Variants in LGALS12 observed in about 807,000 individuals in gnomAD.
LGALS12 encodes the protein galectin 12.
Under a neutral mutation model 36.8 loss-of-function variants are expected in LGALS12, and 36 were observed. The observed-to-expected ratio is 0.98, with a 90% CI of 0.75 to 1.29. LGALS12 has a LOEUF of 1.29. Among genes scored for constraint, LGALS12 ranks in the 50% most tolerant of loss-of-function variants. LGALS12 has a pLI of 0.00. For missense variants in LGALS12, 366 were observed against 394.3 expected, an observed-to-expected ratio of 0.93 and a Z score of 0.61; for synonymous variants, 145 against 155.9, an observed-to-expected ratio of 0.93 and a Z score of 0.52.
At chr11:63,512,938 A>G (rs2016972162) in intron 7 of LGALS12, among the ~76,000 whole-genome samples, 1 of 151,894 alleles carries the variant, frequency 6.6e-6, no homozygotes, top group African/African-American at 2.4e-5. Context: ...GAGTAAGGAA[A>G]GCACCCTATG....
At chr11:63,513,225 T>G (rs772939410) in intron 7 of LGALS12, among the ~76,000 whole-genome samples, 1 of 152,152 alleles carries the variant, frequency 6.6e-6, no homozygotes, top group Non-Finnish European at 1.5e-5. Flanking sequence ...AAATGAAAAG[T>G]GCTCAGTGAT....
chr11:63,508,531 A>C, intron 1 of LGALS12, 22 bp from the exon 2 acceptor site: 1 of 1,613,932 alleles, frequency 6.2e-7, no homozygotes. Flanking sequence ...ACCTGCATGG[A>C]TGAGTTTCTT....
chr11:63,511,195 G>A, intron 6 of LGALS12, 90 bp downstream of exon 6: 1 of 1,243,962 alleles, frequency 8.0e-7, no homozygotes. Context: ...CATGCCCCCA[G>A]CCTCAGGATT....
intron 4 of LGALS12, among the ~76,000 whole-genome samples, chr11:63,510,133 T>A (rs1046869522): frequency 6.6e-6 from 1 of 152,008 alleles, no homozygotes; most frequent in Non-Finnish European, 1.5e-5. Flanking sequence ...CTGTAACCAG[T>A]GTGGGTCTGG....
intron 3 of LGALS12, 121 bp from the exon 4 acceptor site, chr11:63,509,657 G>T: frequency 1.0e-6 from 1 of 970,422 alleles, no homozygotes; most frequent in Non-Finnish European, 1.6e-6. Flanking sequence ...CTACCTCATA[G>T]AGATGACGTG....
At chr11:63,507,725 C>CTTTTTT (rs199594642) in intron 1 of LGALS12, among the ~76,000 whole-genome samples, 5 of 69,946 alleles carry the variant, frequency 7.1e-5, no homozygotes, top group South Asian at 6.3e-4. Flanking sequence ...CAGGCAACTT[C>CTTTTTT]TTTTTTTTTT....
In LGALS12 at chr11:63,514,004, T is replaced by A. The variant is rs185381929; in HGVS notation, c.648-1559T>A. ...CACAGTGTTGTCTGGCAGGACGGGGTAGGGGGAGCCATAGTGGGGCTGGAG... is the reference window on the plus strand; with the variant it reads ...CACAGTGTTGTCTGGCAGGACGGGGAAGGGGGAGCCATAGTGGGGCTGGAG... On this transcript the variant is annotated intron_variant, in intron 7 of 8. Transcript: ENST00000394618. Among the ~76,000 whole-genome samples, 201 of 152,040 alleles carry A rather than the reference T, an allele frequency of 1.3e-3. 3 individuals carry two copies. In the East Asian group the frequency reaches 0.028, roughly 21 times the overall value.
intron 8 of LGALS12, 72 bp downstream of exon 8, chr11:63,515,785 G>A: frequency 1.3e-6 from 2 of 1,523,530 alleles, no homozygotes; most frequent in East Asian, 2.3e-5. Context: ...TGACCTGGGA[G>A]ATGCTGGGGC....
chr11:63,510,968 C>T, intron 5 of LGALS12, 111 bp from the exon 6 acceptor site: 1 of 1,062,012 alleles, frequency 9.4e-7, no homozygotes, highest in Non-Finnish European at 1.4e-6. Flanking sequence ...TCACCTACTG[C>T]TGTGAGAGAG....
At position 63,508,772 on chromosome 11, in the gene LGALS12, C is replaced by G. The variant is rs772394713; in HGVS notation, c.159-6C>G. On this transcript the variant is annotated splice_polypyrimidine_tract_variant and splice_region_variant and intron_variant, in intron 2 of 8. Transcript: ENST00000394618. ...ACCGCACTTTGAGAGCCTCACCTCC[C>G]AGTAGGTTTCAGGTGGACTTCCAGT... 1 of 1,614,178 alleles carries G rather than the reference C, an allele frequency of 6.2e-7. No individual in the cohort carries two copies. The highest frequency in any genetic ancestry group is 1.7e-5 in the Admixed American group (1 of 60,032).
In LGALS12 at chr11:63,509,814, T is replaced by C. The variant is rs780604181; in HGVS notation, c.409T>C (p.Tyr137His). Residue 137 changes from tyrosine to histidine, a missense_variant, in exon 4 of 9, where the codon TAC becomes CAC. Physicochemically the swap from Tyr to His is moderately conservative, Grantham distance 83. Coordinates refer to ENST00000394618, the MANE Select transcript of LGALS12 (RefSeq NM_033101.4). ...TGGACAGCACTTTCTCCACTTCCGC[T>C]ACCGGCTCCCACTGTCTCATGTGGA... is the stretch of plus-strand genomic sequence containing the variant. ...VNGQHFLHFR[Y>H]RLPLSHVDTL... 1 of 1,614,196 alleles carries C rather than the reference T, an allele frequency of 6.2e-7. No homozygotes were observed. The highest frequency in any genetic ancestry group is 1.1e-5 in the South Asian group (1 of 91,088).
At position 63,516,504 on chromosome 11, in the gene LGALS12, G is replaced by A; in HGVS notation, c.*111G>A. ...ACCTGACACCAGCACATCAGGCCTGGTTCACCTCTGGGGTCACGAGACTGA... is the reference window on the plus strand; with the variant it reads ...ACCTGACACCAGCACATCAGGCCTGATTCACCTCTGGGGTCACGAGACTGA... On this transcript the variant is annotated 3_prime_UTR_variant, in exon 9 of 9. Transcript: ENST00000394618. 2.3e-6 allele frequency: 3 copies of A among 1,290,638 alleles called. No homozygotes were observed. Among genetic ancestry groups the A allele is most frequent in the Non-Finnish European group, 2.2e-6 (2 of 911,860 alleles). The allele number at this position is 1,290,638 out of a possible 1,614,324, so 79.9% of individuals were successfully genotyped here. A position where few individuals can be genotyped will look rare whatever the true frequency, so the allele number is the denominator to read the frequency against.
chr11:63,508,133 C>T (rs966230232), intron 1 of LGALS12: 7 of 1,048,680 alleles, frequency 6.7e-6, no homozygotes, highest in Non-Finnish European at 8.1e-6. Flanking sequence ...CAGTTCCTAA[C>T]TTGTCCATTC....
chr11:63,507,638 C>T (rs922919962), intron 1 of LGALS12, among the ~76,000 whole-genome samples: 15 of 146,434 alleles, frequency 1.0e-4, no homozygotes, highest in African/African-American at 1.8e-4. Flanking sequence ...TGGAAAGAGT[C>T]AGGGTGGAAA....
rs751524117 is a variant in LGALS12 at position 63,508,818 on chromosome 11, C to T, written c.199C>T (p.Arg67Trp). Residue 67 changes from arginine (R) to tryptophan (W), a missense_variant, in exon 3 of 9, where the codon CGG (arginine) becomes TGG (tryptophan). Coordinates refer to ENST00000394618, the MANE Select transcript of LGALS12 (RefSeq NM_033101.4). Reference sequence around the variant, plus strand: ...CCAGTGTGGCTGCAGCCTGTGTCCCCGGCCAGATATCGCCTTCCACTTCAA... The same window carrying T: ...CCAGTGTGGCTGCAGCCTGTGTCCCTGGCCAGATATCGCCTTCCACTTCAA... ...DFQCGCSLCP[R>W]PDIAFHFNPR... is the part of the protein sequence containing the mutation. 8.7e-6 allele frequency: 14 copies of T among 1,614,088 alleles called. No individual in the cohort carries two copies. The highest frequency in any genetic ancestry group is 4.4e-5 in the South Asian group (4 of 91,094).
rs1590656127 is a variant in LGALS12, at chr11:63,516,515, G to T, written c.*122G>T. ...GCACATCAGGCCTGGTTCACCTCTG[G>T]GGTCACGAGACTGAGTCTACAGGAG... On this transcript the variant is annotated 3_prime_UTR_variant, in exon 9 of 9. Transcript: ENST00000394618. 1 of 1,185,098 alleles carries T rather than the reference G, an allele frequency of 8.4e-7. No individual in the cohort carries two copies. The highest frequency in any genetic ancestry group is 1.5e-5 in the African/African-American group (1 of 66,486). 73.4% of individuals were successfully genotyped at this position (1,185,098 alleles called of 1,614,324 possible). A position where few individuals can be genotyped will look rare whatever the true frequency, so the allele number is the denominator to read the frequency against.
At position 63,511,081 on chromosome 11, in the gene LGALS12, T is replaced by C; in HGVS notation, c.534T>C (p.Pro178=). The change falls in exon 6 of 9, where the codon CCT becomes CCC. Residue 178 remains proline, a splice_region_variant and synonymous_variant. Coordinates refer to ENST00000394618, the MANE Select transcript of LGALS12 (RefSeq NM_033101.4). ...EGSREYPAGH[P]FLLMSPRLEV... is the part of the protein sequence containing the mutation. ...TCCTCTCTTTCTTTCCCTGACAGCC[T>C]TTCCTGCTGATGAGCCCCAGGCTGG... is the stretch of plus-strand genomic sequence containing the variant. 6.2e-7 allele frequency: 1 copy of C among 1,613,764 alleles called. No individual in the cohort carries two copies. The highest frequency in any genetic ancestry group is 8.5e-7 in the Non-Finnish European group (1 of 1,179,942).
Position 63,506,154 on chromosome 11 carries a change from G to A in LGALS12, c.-305G>A, listed in dbSNP as rs776727517. ...TGCAATGGCCATGTGCTGCAGACCC[G>A]GAGTGGGTAGTTAGTTGGTTAATGC... is the stretch of plus-strand genomic sequence containing the variant. On this transcript the variant is annotated 5_prime_UTR_variant, in exon 1 of 9. Coordinates refer to ENST00000394618, the MANE Select transcript of LGALS12 (RefSeq NM_033101.4). 6.2e-5 allele frequency: 32 copies of A among 517,966 alleles called. No individual in the cohort carries two copies. Among genetic ancestry groups the A allele is most frequent in the Non-Finnish European group, 9.7e-5 (28 of 288,722 alleles). 32.1% of individuals were successfully genotyped at this position (517,966 alleles called of 1,614,324 possible).
intron 6 of LGALS12, among the ~76,000 whole-genome samples, chr11:63,511,308 G>A (rs945255966): frequency 1.3e-5 from 2 of 152,182 alleles, no homozygotes; most frequent in Non-Finnish European, 2.9e-5. Flanking sequence ...CAGGCTGTGG[G>A]TGGGCTGGGC....
Sources: allele counts gnomAD v4.1 joint callset (sites outside exome capture counted in the v4.1 genomes callset), GRCh38; gene constraint gnomAD v4.1.1; transcripts MANE v1.5; gene names NCBI Gene and HGNC (gene_info 2026-07-23, HGNC 2026-07-21).